The following LRRN1 variants were observed in gnomAD, a reference collection of about 807,000 sequenced individuals.
LRRN1 encodes the protein leucine rich repeat neuronal 1, also known as leucine-rich repeat neuronal protein 1.
Under a neutral mutation model 45.8 loss-of-function variants are expected in LRRN1, and 14 were observed. The observed-to-expected ratio is 0.31, with a 90% CI of 0.20 to 0.48. LRRN1 has a LOEUF of 0.48. Ranked by LOEUF, LRRN1 falls within the 20% of genes least tolerant of loss-of-function variation. LRRN1 has a pLI of 0.99. For synonymous variants in LRRN1, 359 were observed against 330.1 expected, an observed-to-expected ratio of 1.09 and a Z score of -0.95; for missense variants, 789 against 874.2, an observed-to-expected ratio of 0.90 and a Z score of 1.23.
At chr3:3,841,466 G>C (rs577930730) in intron 1 of LRRN1, among the ~76,000 whole-genome samples, 118 of 152,212 alleles carry the variant, frequency 7.8e-4, no homozygotes, top group Non-Finnish European at 1.3e-3. Flanking sequence ...AAACAAGAGT[G>C]AAATAAATTT....
At chr3:3,827,447 A>G (rs751007313) in intron 1 of LRRN1, 19 of 456,622 alleles carry the variant, frequency 4.2e-5, no homozygotes, top group Middle Eastern at 3.2e-4. Context: ...GTCTGGGTCC[A>G]TCTTGCCTCA....
At chr3:3,837,691 G>A (rs938113930) in intron 1 of LRRN1, among the ~76,000 whole-genome samples, 4 of 151,686 alleles carry the variant, frequency 2.6e-5, no homozygotes, top group Non-Finnish European at 5.9e-5. Context: ...TTGAGCCACC[G>A]CACCACATTT....
rs753878004 is a variant in LRRN1 at position 3,845,261 on chromosome 3, T to C, written c.620T>C (p.Leu207Pro). The change falls in exon 2 of 2, where the codon CTG (leucine) becomes CCG (proline). Residue 207 changes from leucine to proline, a missense_variant. By Grantham distance (98) the Leu-to-Pro change is moderately conservative. Coordinates refer to ENST00000319331, the MANE Select transcript of LRRN1 (RefSeq NM_020873.7). The surrounding 1 kb of genome is among the most constrained non-coding windows in gnomAD (Gnocchi z 6.5). ...MIGENPVIGI[L>P]DMNFKPLANL... ...GGAGAAAACCCTGTGATTGGAATTC[T>C]GGATATGAACTTCAAACCCCTCGCA... The C allele has an allele frequency of 1.9e-6, 3 of 1,614,070 alleles. No individual in the cohort carries two copies. The highest frequency in any genetic ancestry group is 1.1e-5 in the South Asian group (1 of 91,096).
Position 3,846,640 on chromosome 3 carries a change from A to C in LRRN1, c.1999A>C (p.Lys667Gln), listed in dbSNP as rs751279707. Residue 667 changes from lysine to glutamine, a missense_variant, in exon 2 of 2, where the codon AAG becomes CAG. By Grantham distance (53) the Lys-to-Gln change is moderately conservative. Coordinates refer to ENST00000319331, the MANE Select transcript of LRRN1 (RefSeq NM_020873.7). This position sits in a 1 kb window ranked among gnomAD's most constrained non-coding sequence, Gnocchi z 5.7. ...KRKNYHHSLK[K>Q]YMQKTSSIPL... ...AAAAAACTACCACCACTCATTAAAA[A>C]AGTATATGCAAAAAACCTCTTCAAT... is the stretch of plus-strand genomic sequence containing the variant. 3.1e-6 allele frequency: 5 copies of C among 1,614,112 alleles called. No homozygotes were observed. Among genetic ancestry groups the C allele is most frequent in the African/African-American group, 1.3e-5 (1 of 75,050 alleles).
chr3:3,843,192 G>T (rs1693683465), intron 1 of LRRN1, among the ~76,000 whole-genome samples: 2 of 152,166 alleles, frequency 1.3e-5, no homozygotes, highest in African/African-American at 4.8e-5. Flanking sequence ...TTTTATAGCT[G>T]AAGATACTTG....
chr3:3,847,471 C>G lies in LRRN1; in HGVS notation c.*679C>G, dbSNP rs1693803946. 6.0e-6 allele frequency: 1 copy of G among 165,774 alleles called. No individual in the cohort carries two copies. Among genetic ancestry groups the G allele is most frequent in the Non-Finnish European group, 1.5e-5 (1 of 67,922 alleles). 10.3% of individuals were successfully genotyped at this position (165,774 alleles called of 1,614,324 possible). On this transcript the variant is annotated 3_prime_UTR_variant, in exon 2 of 2. Transcript: ENST00000319331. ...ATGTATATCAGATTTTTTAATGTAA[C>G]AAACTACATGTTAATTGTTATCTTA...
At chr3:3,841,266 G>C (rs1340746071) in intron 1 of LRRN1, among the ~76,000 whole-genome samples, 1 of 145,062 alleles carries the variant, frequency 6.9e-6, no homozygotes, top group East Asian at 2.1e-4. Context: ...ACTCCAGCCT[G>C]GGCGACAGAG....
rs2106456119 is a variant in LRRN1, at chr3:3,816,817, A to T, written c.-279+16898A>T. ...ACTCTTGGGGTCCAATAAGACAATT[A>T]AGGCAGGTGGTATCACAGAAAGGCC... On this transcript the variant is annotated intron_variant, in intron 1 of 1. Transcript: ENST00000319331. The surrounding 1 kb of genome is among the most constrained non-coding windows in gnomAD (Gnocchi z 4.0). 6.6e-6 allele frequency among the ~76,000 whole-genome samples: 1 copy of T among 152,294 alleles called. No individual in the cohort carries two copies. The highest frequency in any genetic ancestry group is 2.4e-5 in the African/African-American group (1 of 41,568).
rs76211806 is a variant in LRRN1 at position 3,807,118 on chromosome 3, A to C, written c.-279+7199A>C. Among the ~76,000 whole-genome samples the C allele has an allele frequency of 0.013, 1,993 of 152,328 alleles. 88 individuals carry two copies. The East Asian group carries it at 0.15, about 12-fold the overall frequency. ...TACGATGCATCGGTTAAAAAGTATC[A>C]TGCAGAGAAACTTAAGCTGGGTTTC... is the stretch of plus-strand genomic sequence containing the variant. On this transcript the variant is annotated intron_variant, in intron 1 of 1. Transcript: ENST00000319331.
Position 3,846,584 on chromosome 3 carries a change from T to G in LRRN1, c.1943T>G (p.Ile648Ser), listed in dbSNP as rs1454535924. ...TTTGCCGTCATTAGCCTTGCGTCCA[T>G]TGCTGTGTACTTTGCCAAAAGATTT... Reference protein sequence around the residue: ...SMFAVISLASIAVYFAKRFKR... With the variant: ...SMFAVISLASSAVYFAKRFKR... Residue 648 changes from isoleucine to serine, a missense_variant, in exon 2 of 2, where the codon ATT (isoleucine) becomes AGT (serine). Ile to Ser is a moderately radical substitution (Grantham distance 142). Coordinates refer to ENST00000319331, the MANE Select transcript of LRRN1 (RefSeq NM_020873.7). The surrounding 1 kb of genome is among the most constrained non-coding windows in gnomAD (Gnocchi z 5.7). The G allele has an allele frequency of 6.2e-7, 1 of 1,614,140 alleles. No homozygotes were observed. The highest frequency in any genetic ancestry group is 1.7e-5 in the Admixed American group (1 of 60,004).
chr3:3,844,650 G>A lies in LRRN1; in HGVS notation c.9G>A (p.Arg3=). 1 of 1,610,084 alleles carries A rather than the reference G, an allele frequency of 6.2e-7. No homozygotes were observed. Among genetic ancestry groups the A allele is most frequent in the East Asian group, 2.2e-5 (1 of 44,786 alleles). Reference sequence around the variant, plus strand: ...TTGCTCAGCAAGCCAGCATGGCTAGGATGAGCTTTGTTATAGCAGCTTGCC... The same window carrying A: ...TTGCTCAGCAAGCCAGCATGGCTAGAATGAGCTTTGTTATAGCAGCTTGCC... MA[R]MSFVIAACQL... Residue 3 remains arginine (R), a synonymous_variant, in exon 2 of 2, where the codon AGG becomes AGA. Coordinates refer to ENST00000319331, the MANE Select transcript of LRRN1 (RefSeq NM_020873.7).
chr3:3,838,307 A>T (rs1214168911), intron 1 of LRRN1, among the ~76,000 whole-genome samples: 1 of 152,220 alleles, frequency 6.6e-6, no homozygotes, highest in East Asian at 1.9e-4. Context: ...CCTAGAAGAA[A>T]ATCAAGGCAA....
intron 1 of LRRN1, among the ~76,000 whole-genome samples, chr3:3,825,955 C>T (rs1296159204): frequency 6.6e-6 from 1 of 152,056 alleles, no homozygotes; most frequent in Non-Finnish European, 1.5e-5. Context: ...TACTTATATT[C>T]AGAGGTTGCA....
chr3:3,823,025 A>T (rs1575288214), intron 1 of LRRN1: 1 of 152,176 alleles, frequency 6.6e-6, no homozygotes, highest in East Asian at 1.9e-4. Context: ...CAAGGGATAG[A>T]GGATATTTCT....
At chr3:3,822,463 A>T (rs1383346267) in intron 1 of LRRN1, among the ~76,000 whole-genome samples, 1 of 152,184 alleles carries the variant, frequency 6.6e-6, no homozygotes, top group Non-Finnish European at 1.5e-5. Context: ...ACTGAGATGG[A>T]TATATAAATG....
Position 3,847,770 on chromosome 3 carries a change from A to G in LRRN1, c.*978A>G, listed in dbSNP as rs1693808578. The stretch of plus-strand genomic sequence containing the variant: ...AGGTTTTAATTCTTTTTCTAAGGGA[A>G]GAAATGTCTATTTTAATTAAGATAT... On this transcript the variant is annotated 3_prime_UTR_variant, in exon 2 of 2. Transcript: ENST00000319331. 1 of 166,638 alleles carries G rather than the reference A, an allele frequency of 6.0e-6. No homozygotes were observed. Among genetic ancestry groups the G allele is most frequent in the Non-Finnish European group, 1.5e-5 (1 of 68,116 alleles). The allele number at this position is 166,638 out of a possible 1,614,324, so 10.3% of individuals were successfully genotyped here. A position where few individuals can be genotyped will look rare whatever the true frequency, so the allele number is the denominator to read the frequency against.
At chr3:3,815,280 G>C (rs913288985) in intron 1 of LRRN1, among the ~76,000 whole-genome samples, 2 of 152,110 alleles carry the variant, frequency 1.3e-5, no homozygotes, top group Non-Finnish European at 2.9e-5. Context: ...TAAGCTACCA[G>C]TGTGATGTCT....
intron 1 of LRRN1, among the ~76,000 whole-genome samples, chr3:3,844,119 G>A (rs1693703740): frequency 6.6e-6 from 1 of 152,102 alleles, no homozygotes; most frequent in African/African-American, 2.4e-5. Context: ...TATATGACTA[G>A]TGGTACATGG....
intron 1 of LRRN1, among the ~76,000 whole-genome samples, chr3:3,810,559 A>G (rs945020215): frequency 4.6e-5 from 7 of 152,182 alleles, no homozygotes; most frequent in African/African-American, 1.4e-4. Context: ...GTCACCAGGT[A>G]TGCTGGGCAT....
Sources: allele counts gnomAD v4.1 joint callset (sites outside exome capture counted in the v4.1 genomes callset), GRCh38; gene constraint gnomAD v4.1.1; non-coding constraint Gnocchi (gnomAD v3.1); transcripts MANE v1.5; gene names NCBI Gene and HGNC (gene_info 2026-07-23, HGNC 2026-07-21).